Variants in KITLG observed in about 807,000 individuals in gnomAD.
KITLG encodes c-Kit ligand.
In KITLG, 13 loss-of-function variants were observed where a neutral mutation model predicts 34.1. That is an observed-to-expected ratio of 0.38 (90% CI 0.25 to 0.61). The LOEUF is 0.61. Ranked by LOEUF, KITLG falls within the 20% of genes least tolerant of loss-of-function variation. The pLI, the probability that KITLG is intolerant of heterozygous loss-of-function variation, is 0.60. For synonymous variants in KITLG, 110 were observed against 104.0 expected (o/e 1.06, Z -0.35); for missense variants, 292 against 318.9 (o/e 0.92, Z 0.64).
At chr12:88,527,753 G>C (rs1400114150) in intron 3 of KITLG, among the ~76,000 whole-genome samples, 2 of 152,238 alleles carry the variant, frequency 1.3e-5, no homozygotes, top group African/African-American at 2.4e-5. Flanking sequence ...TGGACTCTGT[G>C]TGCCTCTGGA....
chr12:88,532,570 C>A, intron 2 of KITLG, 67 bp from the exon 3 acceptor site: 1 of 1,089,962 alleles, frequency 9.2e-7, no homozygotes. Flanking sequence ...ATTTGTAGTG[C>A]TTTGGAGAAA....
intron 3 of KITLG, among the ~76,000 whole-genome samples, chr12:88,526,867 T>TTTTTTTTTTTTTTTTTTTTGAGAC (rs1869888979): frequency 1.7e-5 from 2 of 119,864 alleles, no homozygotes; most frequent in African/African-American, 5.9e-5. Context: ...TATAGTCTTT[T>TTTTTTTTTTTTTTTTTTTTGAGAC]TTTTTTTTTT....
At chr12:88,576,713 T>C (rs559722498) in intron 1 of KITLG, among the ~76,000 whole-genome samples, 1 of 152,286 alleles carries the variant, frequency 6.6e-6, no homozygotes, top group East Asian at 1.9e-4. Context: ...CTACCAACCA[T>C]ATTTTAGGTG....
intron 2 of KITLG, among the ~76,000 whole-genome samples, chr12:88,543,992 T>C (rs1870616244): frequency 6.6e-6 from 1 of 152,150 alleles, no homozygotes; most frequent in Non-Finnish European, 1.5e-5. Context: ...GAACAATTTA[T>C]TGATAAATGA....
At chr12:88,516,536 T>A in intron 4 of KITLG, 46 bp from the exon 5 acceptor site, 1 of 1,274,722 alleles carries the variant, frequency 7.8e-7, no homozygotes, top group Non-Finnish European at 1.1e-6. Context: ...TCTTCAGACT[T>A]AACTGAGGTG....
At chr12:88,502,599 T>C (rs1868903346) in intron 9 of KITLG, among the ~76,000 whole-genome samples, 1 of 152,200 alleles carries the variant, frequency 6.6e-6, no homozygotes, top group African/African-American at 2.4e-5. Flanking sequence ...TAACTGACTA[T>C]TCAACACATT....
At chr12:88,558,606 G>A (rs1174225527) in intron 1 of KITLG, among the ~76,000 whole-genome samples, 1 of 152,176 alleles carries the variant, frequency 6.6e-6, no homozygotes, top group Admixed American at 6.5e-5. Context: ...TTCACTGAAG[G>A]TGTTCCAACT....
chr12:88,553,653 T>TC (rs1027692006), intron 1 of KITLG, among the ~76,000 whole-genome samples: 1 of 152,150 alleles, frequency 6.6e-6, no homozygotes, highest in African/African-American at 2.4e-5. Context: ...CCCCGTTTAT[T>TC]CCCCCACAAC....
chr12:88,568,796 T>G (rs1871542655), intron 1 of KITLG, among the ~76,000 whole-genome samples: 2 of 152,162 alleles, frequency 1.3e-5, no homozygotes, highest in Middle Eastern at 6.8e-3. Context: ...TATAACATTA[T>G]TTCCAGGTTT....
chr12:88,536,900 C>T (rs1378423956), intron 2 of KITLG, among the ~76,000 whole-genome samples: 4 of 152,012 alleles, frequency 2.6e-5, no homozygotes, highest in Non-Finnish European at 5.9e-5. Context: ...GGGTTGATGG[C>T]TGCAGCAAAC....
Position 88,577,890 on chromosome 12 carries a change from C to T in KITLG, c.15+2374G>A, listed in dbSNP as rs550514931. On this transcript the variant is annotated intron_variant, in intron 1 of 9. Transcript: ENST00000644744. ...AATCAAACCCCATTTTAAAATATTA[C>T]TATAAATTTTTTTTATATGTGGGGT... Among the ~76,000 whole-genome samples the T allele has an allele frequency of 1.5e-3, 233 of 152,232 alleles. 2 individuals are homozygous for T. The highest frequency in any genetic ancestry group is 2.6e-3 in the Non-Finnish European group (179 of 68,000).
At chr12:88,518,548 C>A (rs1869539339) in intron 4 of KITLG, 149 bp downstream of exon 4, 1 of 645,942 alleles carries the variant, frequency 1.5e-6, no homozygotes, top group Non-Finnish European at 2.7e-6. Context: ...TACTTGTTTT[C>A]TTTGCTCATC....
rs1871977462 is a variant in KITLG, at chr12:88,580,389, T to C, written c.-111A>G. The stretch of plus-strand genomic sequence containing the variant: ...CAGCGGCGGCAGATAGTCCACGCAT[T>C]GGGTAGCCCGAGCGCAGCGCCCTCT... On this transcript the variant is annotated 5_prime_UTR_variant, in exon 1 of 10. Coordinates refer to ENST00000644744, the MANE Select transcript of KITLG (RefSeq NM_000899.5). The C allele has an allele frequency of 7.9e-7, 1 of 1,273,430 alleles. No homozygotes were observed. The highest frequency in any genetic ancestry group is 1.3e-5 in the South Asian group (1 of 78,918). The allele number at this position is 1,273,430 out of a possible 1,614,324, so 78.9% of individuals were successfully genotyped here.
chr12:88,573,387 C>T (rs1171098741), intron 1 of KITLG, among the ~76,000 whole-genome samples: 3 of 152,288 alleles, frequency 2.0e-5, no homozygotes, highest in Admixed American at 6.5e-5. Flanking sequence ...CAGTAGAAAA[C>T]TCAGCACTGT....
At chr12:88,528,285 T>C (rs1869955514) in intron 3 of KITLG, among the ~76,000 whole-genome samples, 1 of 152,172 alleles carries the variant, frequency 6.6e-6, no homozygotes, top group Admixed American at 6.5e-5. Flanking sequence ...TTATAAGAAC[T>C]CATGTAAATC....
intron 9 of KITLG, among the ~76,000 whole-genome samples, chr12:88,500,080 T>C (rs1455788161): frequency 6.6e-6 from 1 of 152,192 alleles, no homozygotes; most frequent in Non-Finnish European, 1.5e-5. Flanking sequence ...ATGCTCACCC[T>C]TTCTTCTCAG....
In KITLG at chr12:88,494,234, T is replaced by A. The variant is rs1320995749; in HGVS notation, c.*2985A>T. The stretch of plus-strand genomic sequence containing the variant: ...ATGCATTTTTGAAGAATATATTTTT[T>A]AAATATACATAATGCCTAAAAGCTC... On this transcript the variant is annotated 3_prime_UTR_variant, in exon 10 of 10. Transcript: ENST00000644744. 6.6e-6 allele frequency: 1 copy of A among 151,944 alleles called. No individual in the cohort carries two copies. The allele number at this position is 151,944 out of a possible 1,614,324, so 9.4% of individuals were successfully genotyped here. A position where few individuals can be genotyped will look rare whatever the true frequency, so the allele number is the denominator to read the frequency against.
chr12:88,506,380 T>C lies in KITLG; in HGVS notation c.715-2A>G, dbSNP rs768146588. ...CCTTGTAAGACTTGGCTGTCTCTTCTGGAAAAAGAAGAAAGACATATACTG... is the reference window on the plus strand; with the variant it reads ...CCTTGTAAGACTTGGCTGTCTCTTCCGGAAAAAGAAGAAAGACATATACTG... On this transcript the variant is annotated splice_acceptor_variant, in intron 7 of 9. Coordinates refer to ENST00000644744, the MANE Select transcript of KITLG (RefSeq NM_000899.5). LOFTEE classifies it high-confidence loss of function. 6.9e-5 allele frequency: 110 copies of C among 1,596,622 alleles called. No individual in the cohort carries two copies. Among genetic ancestry groups the C allele is most frequent in the Non-Finnish European group, 9.2e-5 (107 of 1,164,306 alleles).
At chr12:88,497,230 C>T in intron 9 of KITLG, 49 bp from the exon 10 acceptor site, 1 of 370,488 alleles carries the variant, frequency 2.7e-6, no homozygotes, top group South Asian at 2.0e-5. Flanking sequence ...TGCCTTCTGC[C>T]TTTTTAAAAA....
Sources: allele counts gnomAD v4.1 joint callset (sites outside exome capture counted in the v4.1 genomes callset), GRCh38; gene constraint gnomAD v4.1.1; transcripts MANE v1.5; gene names NCBI Gene and HGNC (gene_info 2026-07-23, HGNC 2026-07-21).